Variants in CNTN5 observed in about 807,000 individuals in gnomAD.
CNTN5 encodes contactin-5.
CNTN5 carries 77 observed loss-of-function variants against 129.1 expected under a neutral mutation model. The observed-to-expected ratio is 0.60, with a 90% CI of 0.50 to 0.72. The LOEUF is 0.72. Ranked by LOEUF, CNTN5 falls within the 30% of genes least tolerant of loss-of-function variation. The pLI, the probability that CNTN5 is intolerant of heterozygous loss-of-function variation, is 0.00. For synonymous variants in CNTN5, 509 were observed against 465.6 expected (o/e 1.09, Z -1.20); for missense variants, 1,478 against 1,328.8 (o/e 1.11, Z -1.75).
chr11:99,895,508 C>A (rs577010685), intron 6 of CNTN5, among the ~76,000 whole-genome samples: 1 of 152,308 alleles, frequency 6.6e-6, no homozygotes, highest in African/African-American at 2.4e-5. Flanking sequence ...AGTGGATTAT[C>A]TAAGAGATCA....
chr11:99,687,775 A>T (rs1953859078), intron 3 of CNTN5, among the ~76,000 whole-genome samples: 1 of 152,216 alleles, frequency 6.6e-6, no homozygotes, highest in Non-Finnish European at 1.5e-5. Flanking sequence ...AGTTACTTGC[A>T]AAAGTCTTGG....
intron 7 of CNTN5, among the ~76,000 whole-genome samples, chr11:99,931,765 G>A (rs1334579353): frequency 6.6e-6 from 1 of 152,154 alleles, no homozygotes; most frequent in South Asian, 2.1e-4. Flanking sequence ...TTTGCTAGTA[G>A]TGCTTGCTCT....
At chr11:100,091,929 C>T (rs1213011921) in intron 13 of CNTN5, among the ~76,000 whole-genome samples, 1 of 151,974 alleles carries the variant, frequency 6.6e-6, no homozygotes, top group Non-Finnish European at 1.5e-5. Flanking sequence ...CTCAACCTCA[C>T]AAAAGTGTGT....
At chr11:99,252,356 A>C (rs1591423806) in intron 1 of CNTN5, among the ~76,000 whole-genome samples, 1 of 152,002 alleles carries the variant, frequency 6.6e-6, no homozygotes, top group Non-Finnish European at 1.5e-5. Context: ...CAAAAAACAC[A>C]CAAAAAAACC....
chr11:99,194,200 A>C (rs1390914611), intron 1 of CNTN5, among the ~76,000 whole-genome samples: 2 of 152,154 alleles, frequency 1.3e-5, no homozygotes, highest in Non-Finnish European at 2.9e-5. Flanking sequence ...TCAGAATATA[A>C]AATTAAAATT....
intron 1 of CNTN5, among the ~76,000 whole-genome samples, chr11:99,323,146 T>C (rs1318768718): frequency 1.3e-5 from 2 of 152,170 alleles, no homozygotes; most frequent in African/African-American, 4.8e-5. Flanking sequence ...TTCTCATCTA[T>C]TATTTCTTAA....
chr11:99,462,935 A>G (rs1018927065), intron 2 of CNTN5, among the ~76,000 whole-genome samples: 15 of 151,740 alleles, frequency 9.9e-5, no homozygotes, highest in Non-Finnish European at 1.8e-4. Context: ...AAATACAAAA[A>G]CAAAACAAAA....
chr11:99,790,692 A>G (rs1330449053), intron 3 of CNTN5, among the ~76,000 whole-genome samples: 1 of 152,096 alleles, frequency 6.6e-6, no homozygotes, highest in East Asian at 1.9e-4. Context: ...ATACCCAATA[A>G]TGGGATTTCT....
At chr11:99,253,853 C>T (rs1031966129) in intron 1 of CNTN5, among the ~76,000 whole-genome samples, 8 of 148,580 alleles carry the variant, frequency 5.4e-5, no homozygotes, top group Non-Finnish European at 1.0e-4. Context: ...TCTATGGATC[C>T]TTCCCTGTTG....
chr11:99,327,009 A>G (rs1265284915), intron 2 of CNTN5, among the ~76,000 whole-genome samples: 3 of 152,150 alleles, frequency 2.0e-5, no homozygotes, highest in Admixed American at 6.6e-5. Context: ...ATATATAAAC[A>G]TTTTGTTCTT....
chr11:99,668,309 A>G (rs907852682), intron 3 of CNTN5, among the ~76,000 whole-genome samples: 1 of 152,152 alleles, frequency 6.6e-6, no homozygotes, highest in Admixed American at 6.5e-5. Context: ...CAGAGGGCTA[A>G]TTGATCACTT....
intron 1 of CNTN5, among the ~76,000 whole-genome samples, chr11:99,048,010 T>C (rs1387147735): frequency 6.6e-6 from 1 of 152,044 alleles, no homozygotes; most frequent in African/African-American, 2.4e-5. Context: ...AAAAGCAGTA[T>C]ATTTTATTTT....
intron 8 of CNTN5, among the ~76,000 whole-genome samples, chr11:100,000,613 A>G (rs1939797674): frequency 6.6e-6 from 1 of 152,180 alleles, no homozygotes; most frequent in African/African-American, 2.4e-5. Context: ...CCATATTCTT[A>G]CAGCTCCAGT....
chr11:99,102,501 G>A (rs531834113), intron 1 of CNTN5, among the ~76,000 whole-genome samples: 1 of 152,222 alleles, frequency 6.6e-6, no homozygotes, highest in South Asian at 2.1e-4. Flanking sequence ...ATGCTTTGCT[G>A]CTTAGAAATT....
chr11:99,163,458 TA>T (rs1261858455), intron 1 of CNTN5, among the ~76,000 whole-genome samples: 1 of 152,086 alleles, frequency 6.6e-6, no homozygotes, highest in Admixed American at 6.6e-5. Flanking sequence ...ATTTAATATT[TA>T]ACAATTTCTC....
intron 6 of CNTN5, among the ~76,000 whole-genome samples, chr11:99,897,884 T>C (rs185928520): frequency 2.6e-4 from 39 of 152,284 alleles, no homozygotes; most frequent in African/African-American, 9.1e-4. Context: ...AATGATCTGC[T>C]GTCTTCAGGA....
At chr11:99,322,099 C>T (rs1450757796) in intron 1 of CNTN5, among the ~76,000 whole-genome samples, 1 of 152,132 alleles carries the variant, frequency 6.6e-6, no homozygotes, top group Non-Finnish European at 1.5e-5. Context: ...TTCCATAAAA[C>T]AGAATACCGC....
At chr11:99,695,317 C>A (rs573161481) in intron 3 of CNTN5, among the ~76,000 whole-genome samples, 2 of 151,736 alleles carry the variant, frequency 1.3e-5, no homozygotes, top group South Asian at 4.2e-4. Context: ...GCAAGCAGGC[C>A]CACAAGCAGG....
At chr11:99,275,960 A>T (rs1372099728) in intron 1 of CNTN5, among the ~76,000 whole-genome samples, 1 of 151,668 alleles carries the variant, frequency 6.6e-6, no homozygotes, top group African/African-American at 2.4e-5. Flanking sequence ...TGAACAAAAA[A>T]AAAATCTACC....
Sources: gnomAD v4.1 joint callset for allele counts (sites outside exome capture counted in the v4.1 genomes callset) on GRCh38, gnomAD v4.1.1 for gene constraint, MANE v1.5 for transcripts, NCBI Gene and HGNC (gene_info 2026-07-23, HGNC 2026-07-21) for gene names.